Variants in CATSPER4 observed in about 807,000 individuals in gnomAD.
The protein encoded by CATSPER4 is cation channel sperm-associated protein 4.
Under a neutral mutation model 54.4 loss-of-function variants are expected in CATSPER4, and 46 were observed. The ratio of observed to expected loss-of-function variants is 0.84; its 90% CI spans 0.67 to 1.08. CATSPER4 has a LOEUF of 1.08. CATSPER4 is among the 50% of genes least tolerant of loss of function. The pLI is 0.00. For missense variants in CATSPER4, 574 were observed against 612.8 expected, an observed-to-expected ratio of 0.94 and a Z score of 0.67; for synonymous variants, 230 against 231.9, an observed-to-expected ratio of 0.99 and a Z score of 0.08.
At chr1:26,201,625 A>C (rs749618663) in intron 9 of CATSPER4, 106 bp downstream of exon 9, 5 of 1,080,582 alleles carry the variant, frequency 4.6e-6, no homozygotes, top group Non-Finnish European at 7.2e-6. Flanking sequence ...CTATTCCAAG[A>C]TCTGGTCCCC....
chr1:26,198,550 T>C lies in CATSPER4; in HGVS notation c.812+131T>C, dbSNP rs1268011275. On this transcript the variant is annotated intron_variant, in intron 6 of 9. Coordinates refer to ENST00000456354, the MANE Select transcript of CATSPER4 (RefSeq NM_198137.2). The stretch of plus-strand genomic sequence containing the variant: ...CAGTAGAAGTGGGGGTTCCCAGGTC[T>C]TTAAACAGAGGAAAAGGAAATACCT... The C allele has an allele frequency of 2.6e-6, 3 of 1,159,096 alleles. No homozygotes were observed. The African/African-American group carries it at 4.6e-5, about 18-fold the overall frequency. The allele number at this position is 1,159,096 out of a possible 1,614,324, so 71.8% of individuals were successfully genotyped here.
rs201932747 is a variant in CATSPER4, at chr1:26,201,422, C to T, written c.1268C>T (p.Ser423Leu). Residue 423 changes from serine to leucine, a missense_variant, in exon 9 of 10, where the codon TCG (serine) becomes TTG (leucine). By Grantham distance (145) the Ser-to-Leu change is moderately radical. Coordinates refer to ENST00000456354, the MANE Select transcript of CATSPER4 (RefSeq NM_198137.2). ...EQESEVLNRR[S>L]STSGSLETTS... ...GAGTCAGAGGTGTTGAACAGGCGCTCGTCGACGAGCGGGTCGTTGGAGACT... is the reference window on the plus strand; with the variant it reads ...GAGTCAGAGGTGTTGAACAGGCGCTTGTCGACGAGCGGGTCGTTGGAGACT... The T allele has an allele frequency of 5.6e-6, 9 of 1,614,010 alleles. No homozygotes were observed. The highest frequency in any genetic ancestry group is 2.2e-5 in the South Asian group (2 of 91,074).
At chr1:26,192,367 A>G (rs1047753259) in intron 2 of CATSPER4, among the ~76,000 whole-genome samples, 2 of 151,964 alleles carry the variant, frequency 1.3e-5, no homozygotes, top group African/African-American at 4.8e-5. Flanking sequence ...AAGTGGGTGG[A>G]TCACCTGAGG....
chr1:26,201,552 C>T (rs2089008756), intron 9 of CATSPER4, 33 bp downstream of exon 9: 13 of 1,609,734 alleles, frequency 8.1e-6, no homozygotes, highest in Non-Finnish European at 1.1e-5. Flanking sequence ...AATGGGTACT[C>T]GCCCTGACAC....
At chr1:26,200,153 A>C (rs2088991307) in intron 7 of CATSPER4, 95 bp downstream of exon 7, 1 of 1,432,014 alleles carries the variant, frequency 7.0e-7, no homozygotes. Flanking sequence ...TGCATAATCA[A>C]GGGCCTGGAG....
chr1:26,201,633 C>G, intron 9 of CATSPER4, 114 bp downstream of exon 9: 1 of 915,318 alleles, frequency 1.1e-6, no homozygotes, highest in South Asian at 1.3e-5. Context: ...AGATCTGGTC[C>G]CCCTCACCAC....
chr1:26,198,850 C>T (rs1415731090), intron 6 of CATSPER4, among the ~76,000 whole-genome samples: 1 of 152,210 alleles, frequency 6.6e-6, no homozygotes, highest in Non-Finnish European at 1.5e-5. Context: ...CTGTTCTTTA[C>T]CTCTTTTCTA....
intron 3 of CATSPER4, among the ~76,000 whole-genome samples, chr1:26,196,934 T>TTTAG (rs10530303): frequency 3.5e-5 from 5 of 144,008 alleles, no homozygotes; most frequent in South Asian, 2.2e-4. Flanking sequence ...TTTTTTGAGA[T>TTTAG]TATCACTCTG....
At position 26,201,432 on chromosome 1, in the gene CATSPER4, C is replaced by T. The variant is rs1557633088; in HGVS notation, c.1278C>T (p.Ser426=). Residue 426 remains serine, a synonymous_variant, in exon 9 of 10, where the codon AGC becomes AGT. Coordinates refer to ENST00000456354, the MANE Select transcript of CATSPER4 (RefSeq NM_198137.2). ...SEVLNRRSST[S]GSLETTSSKD... is the part of the protein sequence containing the mutation. ...TGTTGAACAGGCGCTCGTCGACGAGCGGGTCGTTGGAGACTACGTCATCCA... is the reference window on the plus strand; with the variant it reads ...TGTTGAACAGGCGCTCGTCGACGAGTGGGTCGTTGGAGACTACGTCATCCA... The T allele has an allele frequency of 7.4e-6, 12 of 1,613,878 alleles. No homozygotes were observed. In the Admixed American group the frequency reaches 1.2e-4, roughly 16 times the overall value.
In CATSPER4 at chr1:26,190,662, G is replaced by C. The variant is rs1189324915; in HGVS notation, c.35G>C (p.Trp12Ser). 1 of 1,608,250 alleles carries C rather than the reference G, an allele frequency of 6.2e-7. No homozygotes were observed. The highest frequency in any genetic ancestry group is 8.5e-7 in the Non-Finnish European group (1 of 1,179,888). Reference sequence around the variant, plus strand: ...AATGAAAAGGCCTGGTGGCAGCAATGGACCTCCCATACAGGCCTCGAGGGG... The same window carrying C: ...AATGAAAAGGCCTGGTGGCAGCAATCGACCTCCCATACAGGCCTCGAGGGG... ...RDNEKAWWQQ[W>S]TSHTGLEGWG... The change falls in exon 1 of 10, where the codon TGG becomes TCG. Residue 12 changes from tryptophan to serine, a missense_variant. Transcript: ENST00000456354.
At chr1:26,194,562 C>T (rs903258535) in intron 3 of CATSPER4, among the ~76,000 whole-genome samples, 1 of 152,136 alleles carries the variant, frequency 6.6e-6, no homozygotes, top group Admixed American at 6.6e-5. Flanking sequence ...TATCCATCTT[C>T]CTCAAAATAG....
chr1:26,194,020 G>A, intron 3 of CATSPER4, 132 bp downstream of exon 3: 1 of 742,664 alleles, frequency 1.3e-6, no homozygotes, highest in East Asian at 2.5e-5. Flanking sequence ...TGTTAGTTCA[G>A]AGATGTGTAT....
intron 2 of CATSPER4, 37 bp from the exon 3 acceptor site, chr1:26,193,750 C>T (rs776066190): frequency 2.1e-6 from 3 of 1,416,572 alleles, no homozygotes; most frequent in Non-Finnish European, 3.0e-6. Context: ...GCTCCACTGA[C>T]CTCTCTGCCC....
At chr1:26,190,947 C>A in intron 1 of CATSPER4, 107 bp downstream of exon 1, 2 of 1,051,524 alleles carry the variant, frequency 1.9e-6, no homozygotes, top group South Asian at 1.4e-5. Context: ...CCCCAGAAGA[C>A]CCTCCCTAGC....
In CATSPER4 at chr1:26,202,743, A is replaced by G; in HGVS notation, c.*201A>G. The G allele has an allele frequency of 3.2e-6, 2 of 624,224 alleles. No homozygotes were observed. Among genetic ancestry groups the G allele is most frequent in the Non-Finnish European group, 5.8e-6 (2 of 346,300 alleles). 38.7% of individuals were successfully genotyped at this position (624,224 alleles called of 1,614,324 possible). On this transcript the variant is annotated 3_prime_UTR_variant, in exon 10 of 10. Coordinates refer to ENST00000456354, the MANE Select transcript of CATSPER4 (RefSeq NM_198137.2). ...AGGTCCGGTGGAGCAAGGAGAGAGG[A>G]GGATGCTGGATGATGAGAGTGGGAA...
In CATSPER4 at chr1:26,201,030, T is replaced by C. The variant is rs2089001688; in HGVS notation, c.1188T>C (p.Asp396=). ...ENLRQYKEIR[D]ELNMIVEEVR... ...TGAGGCAGTACAAGGAGATCCGAGA[T>C]GAACTCAACATGTAGGGGAGGGTAC... is the stretch of plus-strand genomic sequence containing the variant. The change falls in exon 8 of 10, where the codon GAT becomes GAC. Residue 396 remains aspartate (D), a synonymous_variant. Transcript: ENST00000456354. 1 of 1,613,574 alleles carries C rather than the reference T, an allele frequency of 6.2e-7. No individual in the cohort carries two copies. The highest frequency in any genetic ancestry group is 8.5e-7 in the Non-Finnish European group (1 of 1,179,494).
In CATSPER4 at chr1:26,191,574, T is replaced by C. The variant is rs1331457430; in HGVS notation, c.357+144T>C. 8 of 969,846 alleles carry C rather than the reference T, an allele frequency of 8.2e-6. No homozygotes were observed. The African/African-American group carries it at 1.1e-4, about 14-fold the overall frequency. 60.1% of individuals were successfully genotyped at this position (969,846 alleles called of 1,614,324 possible). On this transcript the variant is annotated intron_variant, in intron 2 of 9. Transcript: ENST00000456354. ...TCTGTCAGCTCTGACCTTCTAGGAA[T>C]CTGGAGATCAAGGAAGACTTCATGA...
chr1:26,202,459 G>C, intron 9 of CATSPER4, 30 bp from the exon 10 acceptor site: 1 of 1,603,128 alleles, frequency 6.2e-7, no homozygotes, highest in Non-Finnish European at 8.5e-7. Context: ...GGGGAGTGGG[G>C]GATTAACAAG....
intron 9 of CATSPER4, 64 bp from the exon 10 acceptor site, chr1:26,202,425 G>A: frequency 1.4e-6 from 2 of 1,427,654 alleles, no homozygotes; most frequent in Non-Finnish European, 2.0e-6. Context: ...TGGAGGAGGT[G>A]AGTAACGGAG....
Sources: gnomAD v4.1 joint callset for allele counts (sites outside exome capture counted in the v4.1 genomes callset) on GRCh38, gnomAD v4.1.1 for gene constraint, MANE v1.5 for transcripts, NCBI Gene and HGNC (gene_info 2026-07-23, HGNC 2026-07-21) for gene names.